VAMP7: variants seen among roughly 807,000 people sequenced by gnomAD.
VAMP7 encodes the protein vesicle-associated membrane protein 7.
A neutral mutation model predicts 29.6 loss-of-function variants in VAMP7; 14 were observed. The ratio of observed to expected loss-of-function variants is 0.47; its 90% CI spans 0.31 to 0.74. The LOEUF is 0.74. VAMP7 is among the 30% of genes least tolerant of loss of function. The pLI is 0.05. For missense variants in VAMP7, 223 were observed against 262.4 expected, an observed-to-expected ratio of 0.85 and a Z score of 1.04; for synonymous variants, 95 against 88.1, an observed-to-expected ratio of 1.08 and a Z score of -0.44.
intron 1 of VAMP7, among the ~76,000 whole-genome samples, chrX:155,882,662 G>A (rs1392530042): frequency 6.6e-6 from 1 of 152,090 alleles, no homozygotes; most frequent in Non-Finnish European, 1.5e-5. Context: ...TAGCTCAACT[G>A]CTTTATCTTA....
chrX:155,933,381 G>A (rs747246381), intron 6 of VAMP7, among the ~76,000 whole-genome samples: 1,880 of 152,138 alleles, frequency 0.012, 24 homozygotes, highest in Non-Finnish European at 0.022. Flanking sequence ...CAATTTCAGA[G>A]CCTGTTATTG....
intron 5 of VAMP7, among the ~76,000 whole-genome samples, chrX:155,915,382 T>C (rs1372849259): frequency 6.6e-6 from 1 of 152,196 alleles, no homozygotes; most frequent in African/African-American, 2.4e-5. Context: ...TGCTCTGATC[T>C]TAGTTATTTC....
intron 5 of VAMP7, among the ~76,000 whole-genome samples, chrX:155,908,489 G>A (rs1425701213): frequency 1.3e-5 from 2 of 152,240 alleles, no homozygotes; most frequent in South Asian, 2.1e-4. Context: ...GATAGCAGTA[G>A]TACAGTCCAG....
intron 6 of VAMP7, among the ~76,000 whole-genome samples, chrX:155,922,733 C>G (rs1291959545): frequency 3.9e-5 from 6 of 151,986 alleles, no homozygotes; most frequent in African/African-American, 1.2e-4. Context: ...TCTTACCTCT[C>G]TATCTTCTGA....
At chrX:155,908,291 C>T (rs1290958125) in intron 5 of VAMP7, among the ~76,000 whole-genome samples, 1 of 152,206 alleles carries the variant, frequency 6.6e-6, no homozygotes, top group African/African-American at 2.4e-5. Context: ...GTGAACGAGA[C>T]TCCGTCTGCA....
intron 2 of VAMP7, among the ~76,000 whole-genome samples, chrX:155,891,622 A>C (rs908003838): frequency 2.0e-5 from 3 of 152,236 alleles, no homozygotes. Flanking sequence ...CTTTCCAGTA[A>C]TGATCAAATA....
chrX:155,927,108 C>A (rs1465594801), intron 6 of VAMP7, among the ~76,000 whole-genome samples: 1 of 152,020 alleles, frequency 6.6e-6, no homozygotes. Flanking sequence ...CATGAGGCGA[C>A]CACATGCTGT....
In VAMP7 at chrX:155,942,233, CATT is replaced by C; in HGVS notation, c.*283_*285del. ...AACTAGTGTCATCTATTTAGAGAAA[CATT>C]TTTGTTTTTAATTGCTCAAAGCTGT... On this transcript the variant is annotated 3_prime_UTR_variant, in exon 8 of 8. Transcript: ENST00000286448. 6.8e-7 allele frequency: 1 copy of C among 1,462,608 alleles called. No homozygotes were observed. Among genetic ancestry groups the C allele is most frequent in the South Asian group, 1.4e-5 (1 of 70,690 alleles). 90.6% of individuals were successfully genotyped at this position (1,462,608 alleles called of 1,614,324 possible). A position where few individuals can be genotyped will look rare whatever the true frequency, so the allele number is the denominator to read the frequency against.
chrX:155,899,510 A>G (rs1471091506), intron 4 of VAMP7, among the ~76,000 whole-genome samples: 1 of 150,790 alleles, frequency 6.6e-6, no homozygotes, highest in African/African-American at 2.4e-5. Context: ...CTGTGGTTTT[A>G]ATACTCTGAG....
chrX:155,897,536 T>C (rs185446213), intron 3 of VAMP7, among the ~76,000 whole-genome samples: 472 of 152,298 alleles, frequency 3.1e-3, no homozygotes, highest in African/African-American at 0.011. Context: ...GATACACACA[T>C]ATACATGTAT....
At chrX:155,909,885 A>G (rs1241403909) in intron 5 of VAMP7, among the ~76,000 whole-genome samples, 1 of 152,204 alleles carries the variant, frequency 6.6e-6, no homozygotes. Flanking sequence ...AGACTGTGTA[A>G]TGATCAAGTC....
intron 2 of VAMP7, 140 bp from the exon 3 acceptor site, chrX:155,895,483 G>A (rs1292667293): frequency 6.8e-6 from 4 of 592,088 alleles, no homozygotes; most frequent in African/African-American, 1.8e-5. Flanking sequence ...TATTGGGAAG[G>A]GGAAGAGGGA....
chrX:155,906,291 A>G (rs1347807064), intron 5 of VAMP7, among the ~76,000 whole-genome samples: 1 of 152,144 alleles, frequency 6.6e-6, no homozygotes, highest in Non-Finnish European at 1.5e-5. Flanking sequence ...TTTAGCAGGA[A>G]TCCTGTTAGG....
chrX:155,890,349 G>T (rs2065912369), intron 2 of VAMP7, among the ~76,000 whole-genome samples: 1 of 148,390 alleles, frequency 6.7e-6, no homozygotes, highest in Non-Finnish European at 1.5e-5. Context: ...AGTCAGGTTT[G>T]TTTTATTTAT....
intron 5 of VAMP7, among the ~76,000 whole-genome samples, chrX:155,909,380 T>C (rs2066200664): frequency 6.6e-6 from 1 of 152,174 alleles, no homozygotes; most frequent in Non-Finnish European, 1.5e-5. Flanking sequence ...TACTTGGTCA[T>C]TCTACGTAAA....
At chrX:155,899,668 G>C (rs5983813) in intron 4 of VAMP7, among the ~76,000 whole-genome samples, 3 of 151,314 alleles carry the variant, frequency 2.0e-5, no homozygotes, top group Admixed American at 1.3e-4. Flanking sequence ...ATGTTCATCT[G>C]TGTAAAACTG....
At chrX:155,900,725 T>C (rs2066050267) in intron 5 of VAMP7, 138 bp downstream of exon 5, 1 of 687,206 alleles carries the variant, frequency 1.5e-6, no homozygotes, top group South Asian at 2.0e-5. Flanking sequence ...CTGAGACAAC[T>C]GTGATACTGT....
In VAMP7 at chrX:155,886,152, A is replaced by C. The variant is rs1179617393; in HGVS notation, c.-9-3306A>C. ...TTCTTGGATCTTATCTTTATATAGC[A>C]CTTTATGGTTTATTAGGCATTTACA... On this transcript the variant is annotated intron_variant, in intron 1 of 7. Coordinates refer to ENST00000286448, the MANE Select transcript of VAMP7 (RefSeq NM_005638.6). Among the ~76,000 whole-genome samples, 3 of 151,828 alleles carry C rather than the reference A, an allele frequency of 2.0e-5. No individual in the cohort carries two copies. The East Asian group carries it at 5.8e-4, about 29-fold the overall frequency.
chrX:155,936,890 A>C (rs1362008965), intron 6 of VAMP7, among the ~76,000 whole-genome samples: 1 of 152,228 alleles, frequency 6.6e-6, no homozygotes, highest in Non-Finnish European at 1.5e-5. Context: ...TACAATAGTT[A>C]GGAATAAATT....
Sources: allele counts gnomAD v4.1 joint callset (sites outside exome capture counted in the v4.1 genomes callset), GRCh38; gene constraint gnomAD v4.1.1; transcripts MANE v1.5; gene names NCBI Gene and HGNC (gene_info 2026-07-23, HGNC 2026-07-21).